SYTL5: variants seen among roughly 807,000 people sequenced by gnomAD.
SYTL5 encodes the protein synaptotagmin-like protein 5.
In SYTL5, 34 loss-of-function variants were observed where a neutral mutation model predicts 55.9. The ratio of observed to expected loss-of-function variants is 0.61; its 90% CI spans 0.46 to 0.81. SYTL5 has a LOEUF of 0.81. SYTL5 is among the 30% of genes least tolerant of loss of function. The pLI is 0.00. For missense variants in SYTL5, 637 were observed against 546.7 expected (o/e 1.17, Z -1.65); for synonymous variants, 221 against 188.7 (o/e 1.17, Z -1.40).
chrX:38,090,202 C>A (rs1453938459), intron 7 of SYTL5, among the ~76,000 whole-genome samples: 1 of 112,193 alleles, frequency 8.9e-6, no homozygotes, highest in African/African-American at 3.2e-5. Flanking sequence ...TTGATCCTCT[C>A]TGTTACTTCT....
intron 13 of SYTL5, 122 bp from the exon 14 acceptor site, chrX:38,120,236 G>A (rs1265647708): frequency 5.9e-6 from 3 of 507,487 alleles, no homozygotes; most frequent in Non-Finnish European, 1.0e-5. Flanking sequence ...AGCGAACAGA[G>A]TTGAAATGAG....
At chrX:37,975,069 G>A in the SYTL5 span, among the ~76,000 whole-genome samples, 3 of 112,386 alleles carry the variant, frequency 2.7e-5, no homozygotes, top group Admixed American at 9.4e-5. Flanking sequence ...GATTTATTTA[G>A]GAAGTTAGAC....
At chrX:38,125,548 C>A (rs749087015) in intron 16 of SYTL5, 42 bp downstream of exon 16, 20 of 1,065,168 alleles carry the variant, frequency 1.9e-5, no homozygotes, top group Non-Finnish European at 2.3e-5. Context: ...TGTGACTAGG[C>A]CCAGGTGGGG....
At chrX:37,911,561 T>C in the SYTL5 span, among the ~76,000 whole-genome samples, 1 of 111,509 alleles carries the variant, frequency 9.0e-6, no homozygotes, top group African/African-American at 3.3e-5. Context: ...AGAGATTTCA[T>C]GGGGCATTGC....
chrX:38,071,879 T>C (rs756379012), intron 3 of SYTL5, among the ~76,000 whole-genome samples, 168 bp from the exon 4 acceptor site: 3 of 112,446 alleles, frequency 2.7e-5, no homozygotes, highest in Non-Finnish European at 5.6e-5. Context: ...ACCTAGCAGA[T>C]AGTAAACATT....
Position 38,120,429 on chromosome X carries a change from A to G in SYTL5, c.1668A>G (p.Pro556=), listed in dbSNP as rs778242635. 2.5e-6 allele frequency: 3 copies of G among 1,210,143 alleles called. No homozygotes were observed. Among genetic ancestry groups the G allele is most frequent in the East Asian group, 3.0e-5 (1 of 33,853 alleles). The change falls in exon 14 of 17, where the codon CCA becomes CCG. Residue 556 remains proline, a synonymous_variant. Transcript: ENST00000297875. The part of the protein sequence containing the change: ...ELTVVLRYIP[P]EENLMLPPEQ... ...CAGTTGTTTTACGTTACATTCCCCC[A>G]GAAGAGAACCTGATGCTTCCACCAG...
At chrX:37,992,853 A>G in the SYTL5 span, among the ~76,000 whole-genome samples, 1 of 112,167 alleles carries the variant, frequency 8.9e-6, no homozygotes, top group Non-Finnish European at 1.9e-5. Context: ...GGAAAACTTT[A>G]CATAATCACA....
the SYTL5 span, among the ~76,000 whole-genome samples, chrX:37,894,602 G>A: frequency 8.9e-6 from 1 of 111,774 alleles, no homozygotes; most frequent in Non-Finnish European, 1.9e-5. Context: ...TCTGATGGCT[G>A]ATTTTATGTG....
chrX:37,923,118 C>G, the SYTL5 span, among the ~76,000 whole-genome samples: 1 of 112,945 alleles, frequency 8.9e-6, no homozygotes, highest in Non-Finnish European at 1.9e-5. Flanking sequence ...ACTGTCTTTA[C>G]TCTCCTTATC....
At chrX:38,097,878 C>T (rs1215881351) in intron 9 of SYTL5, among the ~76,000 whole-genome samples, 1 of 100,956 alleles carries the variant, frequency 9.9e-6, no homozygotes, top group Non-Finnish European at 2.0e-5. Flanking sequence ...ATTGAGATTC[C>T]AGAAAAAAAA....
intron 9 of SYTL5, among the ~76,000 whole-genome samples, chrX:38,100,545 G>A (rs1189101403): frequency 9.0e-6 from 1 of 110,743 alleles, no homozygotes; most frequent in Non-Finnish European, 1.9e-5. Context: ...TCACAAAATG[G>A]TATTCAACTT....
intron 4 of SYTL5, 40 bp downstream of exon 4, chrX:38,072,202 C>G: frequency 2.0e-6 from 2 of 1,014,178 alleles, no homozygotes; most frequent in Non-Finnish European, 2.8e-6. Context: ...CTGTTTTCAT[C>G]TCCATTTGGC....
At chrX:37,939,905 G>T in the SYTL5 span, among the ~76,000 whole-genome samples, 1 of 111,195 alleles carries the variant, frequency 9.0e-6, no homozygotes, top group Non-Finnish European at 1.9e-5. Context: ...ATCTTGGCTC[G>T]CTGCAAACTC....
the SYTL5 span, among the ~76,000 whole-genome samples, chrX:37,922,915 C>T: frequency 5.1e-4 from 57 of 111,891 alleles, no homozygotes; most frequent in African/African-American, 1.8e-3. Flanking sequence ...GATACTACTA[C>T]CTCTCTCTGA....
At chrX:38,089,349 T>C in intron 6 of SYTL5, 97 bp from the exon 7 acceptor site, 1 of 973,299 alleles carries the variant, frequency 1.0e-6, no homozygotes, top group Non-Finnish European at 1.4e-6. Context: ...GTGCGGTTCA[T>C]ATGTTCTTAT....
At position 38,094,405 on chromosome X, in the gene SYTL5, T is replaced by A; in HGVS notation, c.942T>A (p.Ser314=). Residue 314 remains serine, a synonymous_variant, in exon 8 of 17, where the codon TCT becomes TCA. Transcript: ENST00000297875. ...CTGGCACACCTTCCATAGCAGTGTCTGGAACCTCTCTCTCCTCAGGTGGGT... is the reference window on the plus strand; with the variant it reads ...CTGGCACACCTTCCATAGCAGTGTCAGGAACCTCTCTCTCCTCAGGTGGGT... ...NTSGTPSIAV[S]GTSLSSDQSR... is the part of the protein sequence containing the mutation. 1.7e-6 allele frequency: 2 copies of A among 1,200,690 alleles called. No homozygotes were observed. The highest frequency in any genetic ancestry group is 2.3e-6 in the Non-Finnish European group (2 of 888,064).
chrX:38,003,696 T>A (rs1000072518), upstream of SYTL5, among the ~76,000 whole-genome samples: 6 of 111,946 alleles, frequency 5.4e-5, no homozygotes, highest in Non-Finnish European at 1.9e-5. Flanking sequence ...AAGCTACCAA[T>A]GACTTTCTTC....
the SYTL5 span, among the ~76,000 whole-genome samples, chrX:37,932,433 T>G: frequency 9.0e-6 from 1 of 111,206 alleles, no homozygotes; most frequent in African/African-American, 3.3e-5. Context: ...CAAGACAGAG[T>G]TGAGGAGAGA....
chrX:37,997,454 C>T, the SYTL5 span, among the ~76,000 whole-genome samples: 1 of 112,405 alleles, frequency 8.9e-6, no homozygotes, highest in Non-Finnish European at 1.9e-5. Context: ...TGTCTGCTCC[C>T]CCTGCTTGGC....
Sources: gnomAD v4.1 joint callset for allele counts (sites outside exome capture counted in the v4.1 genomes callset) on GRCh38, gnomAD v4.1.1 for gene constraint, MANE v1.5 for transcripts, NCBI Gene and HGNC (gene_info 2026-07-23, HGNC 2026-07-21) for gene names.